Variants in CSPP1 observed in about 807,000 individuals in gnomAD.
CSPP1 encodes centrosome and spindle pole-associated protein 1.
In CSPP1, 126 loss-of-function variants were observed where a neutral mutation model predicts 164.4. That is an observed-to-expected ratio of 0.77 (90% confidence interval 0.66 to 0.89). CSPP1 has a LOEUF of 0.89. Among genes scored for constraint, CSPP1 ranks in the 40% least tolerant of loss-of-function variants. CSPP1 has a pLI of 0.00. For missense variants in CSPP1, 1,395 were observed against 1,449.8 expected (o/e 0.96, Z 0.61); for synonymous variants, 472 against 476.7 (o/e 0.99, Z 0.13).
intron 17 of CSPP1, among the ~76,000 whole-genome samples, chr8:67,144,556 C>T (rs1204135175): frequency 2.0e-5 from 3 of 152,102 alleles, no homozygotes; most frequent in Non-Finnish European, 4.4e-5. Flanking sequence ...TCTGCCACCT[C>T]AACTTTCTGA....
intron 17 of CSPP1, among the ~76,000 whole-genome samples, chr8:67,139,505 A>T (rs2129555655): frequency 6.6e-6 from 1 of 152,358 alleles, no homozygotes; most frequent in East Asian, 1.9e-4. Context: ...ATATACCCAA[A>T]GGATTATAAA....
chr8:67,163,767 A>G lies in CSPP1; in HGVS notation c.2679A>G (p.Val893=), dbSNP rs749604539. ...SSMSRAQSPP[V]PARKNQLRAE... The stretch of plus-strand genomic sequence containing the variant: ...TGTCCAGGGCACAGTCACCCCCGGT[A>G]CCTGCCAGGAAAAATCAGCTCCGTG... Residue 893 remains valine, a synonymous_variant, in exon 23 of 31, where the codon GTA becomes GTG. Transcript: ENST00000678616. 1.2e-6 allele frequency: 2 copies of G among 1,613,772 alleles called. No homozygotes were observed. Among genetic ancestry groups the G allele is most frequent in the Admixed American group, 3.3e-5 (2 of 59,988 alleles).
chr8:67,183,843 A>ATT (rs918103972), intron 28 of CSPP1, among the ~76,000 whole-genome samples: 3,736 of 108,198 alleles, frequency 0.035, 392 homozygotes, highest in African/African-American at 0.12. Context: ...AAAATTGGGA[A>ATT]TTTTTTTTTT....
chr8:67,163,937 C>T, intron 23 of CSPP1, 139 bp downstream of exon 23: 1 of 629,192 alleles, frequency 1.6e-6, no homozygotes, highest in East Asian at 2.8e-5. Flanking sequence ...CAACTTTCCC[C>T]TGGGGTAACA....
intron 24 of CSPP1, among the ~76,000 whole-genome samples, chr8:67,170,281 C>T (rs1161090980): frequency 7.1e-6 from 1 of 141,080 alleles, no homozygotes; most frequent in Non-Finnish European, 1.5e-5. Flanking sequence ...CCTGTCTCTA[C>T]TAAAAATACA....
intron 7 of CSPP1, among the ~76,000 whole-genome samples, chr8:67,096,725 C>G (rs1812874412): frequency 6.6e-6 from 1 of 151,370 alleles, no homozygotes; most frequent in Admixed American, 6.6e-5. Context: ...ATTAGCCAGG[C>G]GTGGTGGGAC....
intron 19 of CSPP1, 96 bp from the exon 20 acceptor site, chr8:67,158,351 A>C: frequency 7.7e-7 from 1 of 1,295,624 alleles, no homozygotes; most frequent in African/African-American, 1.5e-5. Context: ...AAAAGAGGGT[A>C]CAAGTGTTGA....
intron 28 of CSPP1, among the ~76,000 whole-genome samples, chr8:67,188,544 T>A (rs1835315037): frequency 6.6e-6 from 1 of 152,222 alleles, no homozygotes; most frequent in Admixed American, 6.5e-5. Context: ...GGCAACCCGT[T>A]TTGGGTCCCC....
At chr8:67,189,947 C>T (rs746248564) in intron 28 of CSPP1, among the ~76,000 whole-genome samples, 25 of 152,066 alleles carry the variant, frequency 1.6e-4, no homozygotes, top group African/African-American at 3.4e-4. Context: ...GCAAAAAGAC[C>T]GACAATACCA....
intron 24 of CSPP1, among the ~76,000 whole-genome samples, chr8:67,168,005 A>G (rs1480743726): frequency 7.2e-5 from 11 of 152,204 alleles, no homozygotes; most frequent in Admixed American, 7.2e-4. Context: ...AGCCTGGGCA[A>G]CATTGAGCAC....
intron 17 of CSPP1, among the ~76,000 whole-genome samples, chr8:67,137,948 AAAAAT>A (rs1248948434): frequency 2.6e-5 from 4 of 152,216 alleles, no homozygotes; most frequent in African/African-American, 9.6e-5. Flanking sequence ...ACAATTTAAA[AAAAAT>A]AAACTAGTAA....
rs1026496295 is a variant in CSPP1 at position 67,139,793 on chromosome 8, T to A, written c.1975+2190T>A. ...TCACTCATAGGTGGGAATTGAACAATGAGAACACATGGACACAGGAAGGGG... is the reference window on the plus strand; with the variant it reads ...TCACTCATAGGTGGGAATTGAACAAAGAGAACACATGGACACAGGAAGGGG... On this transcript the variant is annotated intron_variant, in intron 17 of 30. Coordinates refer to ENST00000678616, the MANE Select transcript of CSPP1 (RefSeq NM_001382391.1). 1.1e-4 allele frequency among the ~76,000 whole-genome samples: 16 copies of A among 151,940 alleles called. No individual in the cohort carries two copies. The East Asian group carries it at 3.1e-3, about 30-fold the overall frequency.
intron 21 of CSPP1, among the ~76,000 whole-genome samples, chr8:67,159,852 T>TTCTTTCTTTCTTTCTTTC (rs1554605176): frequency 2.1e-5 from 1 of 47,592 alleles, no homozygotes; most frequent in African/African-American, 1.4e-4. Context: ...CTTTCTTTCT[T>TTCTTTCTTTCTTTCTTTC]TTTCTTTCTT....
At chr8:67,159,953 CCTTCTTTCTTTTCTTTTCT>C (rs1330167430) in intron 21 of CSPP1, among the ~76,000 whole-genome samples, 6 of 29,120 alleles carry the variant, frequency 2.1e-4, no homozygotes, top group African/African-American at 4.2e-4. Flanking sequence ...TTCCTTCCTT[CCTTCTTTCTTTTCTTTTCT>C]TTTCTTTTCT....
intron 15 of CSPP1, among the ~76,000 whole-genome samples, chr8:67,122,078 T>A (rs1449842499): frequency 6.6e-6 from 1 of 151,900 alleles, no homozygotes; most frequent in African/African-American, 2.4e-5. Flanking sequence ...ATTCTTCCCA[T>A]CACAGAATTC....
Position 67,113,158 on chromosome 8 carries a change from T to C in CSPP1, c.1188-647T>C, listed in dbSNP as rs140695106. ...TATTCGGGAGGCTGAGGCAGGAGAA[T>C]TGCTTGAACCTGGGAGGCGGAGTTT... On this transcript the variant is annotated intron_variant, in intron 10 of 30. Transcript: ENST00000678616. Among the ~76,000 whole-genome samples, 1,249 of 152,198 alleles carry C rather than the reference T, an allele frequency of 8.2e-3. 13 individuals carry two copies. The highest frequency in any genetic ancestry group is 0.029 in the African/African-American group (1,194 of 41,514).
intron 1 of CSPP1, among the ~76,000 whole-genome samples, chr8:67,073,554 T>C (rs1195624121): frequency 6.6e-6 from 1 of 151,916 alleles, no homozygotes; most frequent in Non-Finnish European, 1.5e-5. Context: ...AAGAGAAAAA[T>C]AGGCTGTAAA....
chr8:67,082,110 C>A (rs1003130385), intron 3 of CSPP1, among the ~76,000 whole-genome samples: 1 of 152,110 alleles, frequency 6.6e-6, no homozygotes. Context: ...TGCAGTGGCG[C>A]GATCTCGGCT....
chr8:67,124,065 A>G (rs760568389), intron 15 of CSPP1, among the ~76,000 whole-genome samples: 1 of 150,986 alleles, frequency 6.6e-6, no homozygotes. Context: ...ACGCCTGGCT[A>G]ATTTTTTGTA....
Sources: allele counts gnomAD v4.1 joint callset (sites outside exome capture counted in the v4.1 genomes callset), GRCh38; gene constraint gnomAD v4.1.1; transcripts MANE v1.5; gene names NCBI Gene and HGNC (gene_info 2026-07-23, HGNC 2026-07-21).